The following CCDC13 variants were observed in gnomAD, a reference collection of about 807,000 sequenced individuals.
CCDC13 encodes coiled-coil domain containing 13.
CCDC13 carries 70 observed loss-of-function variants against 87.3 expected under a neutral mutation model. The ratio of observed to expected loss-of-function variants is 0.80; its 90% CI spans 0.66 to 0.98. The LOEUF (loss-of-function observed/expected upper bound fraction) is 0.98. Among genes scored for constraint, CCDC13 ranks in the 50% least tolerant of loss-of-function variants. The pLI, the probability that CCDC13 is intolerant of heterozygous loss-of-function variation, is 0.00. For missense variants in CCDC13, 842 were observed against 892.0 expected, an observed-to-expected ratio of 0.94 and a Z score of 0.71; for synonymous variants, 317 against 360.3, an observed-to-expected ratio of 0.88 and a Z score of 1.36.
At chr3:42,719,642 C>T (rs1235811707) in intron 13 of CCDC13, 1 of 152,122 alleles carries the variant, frequency 6.6e-6, no homozygotes, top group African/African-American at 2.4e-5. Context: ...TGGTCAGTTA[C>T]AAACTTTGCT....
intron 1 of CCDC13, among the ~76,000 whole-genome samples, chr3:42,772,301 A>AATAAT: frequency 1.1e-5 from 1 of 88,388 alleles, no homozygotes; most frequent in Admixed American, 1.2e-4. Context: ...GTAATAATAA[A>AATAAT]AAAAATAAAG....
intron 13 of CCDC13, among the ~76,000 whole-genome samples, chr3:42,716,861 T>C (rs1258997122): frequency 2.0e-5 from 3 of 152,204 alleles, no homozygotes; most frequent in African/African-American, 7.2e-5. Context: ...AAACAGGTAC[T>C]TGTACAGCAA....
In CCDC13 at chr3:42,708,794, C is replaced by T. The variant is rs567654483; in HGVS notation, c.*186G>A. ...GGTCTCCTGCAGTGTCCCACCAGGG[C>T]TTCTCTTCTGCCTTCCTGGCCTGAG... On this transcript the variant is annotated 3_prime_UTR_variant, in exon 16 of 16. Transcript: ENST00000310232. 3 of 579,772 alleles carry T rather than the reference C, an allele frequency of 5.2e-6. No homozygotes were observed. The highest frequency in any genetic ancestry group is 1.9e-5 in the African/African-American group (1 of 51,922). 35.9% of individuals were successfully genotyped at this position (579,772 alleles called of 1,614,324 possible).
chr3:42,735,186 G>A (rs745856363), intron 10 of CCDC13, among the ~76,000 whole-genome samples: 9 of 152,250 alleles, frequency 5.9e-5, no homozygotes, highest in East Asian at 1.9e-4. Context: ...GGCCGTGGGG[G>A]AGGAGGGGAG....
At chr3:42,710,716 A>C (rs1423963266) in intron 14 of CCDC13, among the ~76,000 whole-genome samples, 1 of 152,066 alleles carries the variant, frequency 6.6e-6, no homozygotes, top group Non-Finnish European at 1.5e-5. Flanking sequence ...GCACCTCAAG[A>C]CTAGTCTTGT....
At chr3:42,750,032 T>G (rs529769814) in intron 5 of CCDC13, 1 of 438,122 alleles carries the variant, frequency 2.3e-6, no homozygotes, top group East Asian at 7.1e-5. Context: ...TGCTGATGAA[T>G]TGAGACCTGC....
At position 42,758,138 on chromosome 3, in the gene CCDC13, T is replaced by C. The variant is rs750301372; in HGVS notation, c.208A>G (p.Ser70Gly). The change falls in exon 2 of 16, where the codon AGC becomes GGC. Residue 70 changes from serine to glycine, a missense_variant. Ser to Gly is a moderately conservative substitution (Grantham distance 56). Transcript: ENST00000310232. The part of the protein sequence containing the change: ...LHAGEPNSKN[S>G]FEKRVLEDEI... The stretch of plus-strand genomic sequence containing the variant: ...ACTTGCATTTACCTCTTCTCAAAGC[T>C]ATTTTTCGAGTTTGGCTCCCCTGCG... 6.2e-7 allele frequency: 1 copy of C among 1,613,864 alleles called. No individual in the cohort carries two copies. Among genetic ancestry groups the C allele is most frequent in the Non-Finnish European group, 8.5e-7 (1 of 1,179,962 alleles).
At chr3:42,751,219 C>A (rs1427362629) in intron 5 of CCDC13, among the ~76,000 whole-genome samples, 1 of 152,188 alleles carries the variant, frequency 6.6e-6, no homozygotes, top group Non-Finnish European at 1.5e-5. Flanking sequence ...CACCAACTGG[C>A]CTGGCTTCCC....
chr3:42,713,350 C>G, intron 13 of CCDC13, 34 bp from the exon 14 acceptor site: 1 of 1,609,496 alleles, frequency 6.2e-7, no homozygotes. Flanking sequence ...GCTACATGCC[C>G]TGGCAGGCAG....
At chr3:42,719,123 A>C (rs74835405) in intron 13 of CCDC13, 252 of 133,068 alleles carry the variant, frequency 1.9e-3, no homozygotes, top group African/African-American at 2.9e-3. Flanking sequence ...GTTAACTGCT[A>C]TTCTCTTTGG....
At chr3:42,757,007 GC>G in intron 3 of CCDC13, 58 bp downstream of exon 3, 1 of 1,530,066 alleles carries the variant, frequency 6.5e-7, no homozygotes. Flanking sequence ...CCTGCTGTCT[GC>G]CCTATCTGAA....
intron 14 of CCDC13, among the ~76,000 whole-genome samples, chr3:42,711,114 C>T (rs773019276): frequency 9.9e-5 from 15 of 151,884 alleles, no homozygotes; most frequent in Non-Finnish European, 1.9e-4. Flanking sequence ...GGTGTGGTGG[C>T]GAACCCCTGT....
intron 15 of CCDC13, among the ~76,000 whole-genome samples, 198 bp downstream of exon 15, chr3:42,709,486 T>A (rs1387785750): frequency 6.6e-6 from 1 of 152,098 alleles, no homozygotes; most frequent in African/African-American, 2.4e-5. Context: ...GGACTATGGG[T>A]CATTGGGGTT....
At chr3:42,772,444 G>A (rs1043543162) in intron 1 of CCDC13, among the ~76,000 whole-genome samples, 1 of 152,124 alleles carries the variant, frequency 6.6e-6, no homozygotes, top group African/African-American at 2.4e-5. Context: ...ATAGGTGACA[G>A]GGACCAGTGA....
chr3:42,724,393 C>G (rs59658902), intron 13 of CCDC13, among the ~76,000 whole-genome samples: 3,185 of 152,272 alleles, frequency 0.021, 129 homozygotes, highest in African/African-American at 0.072. Context: ...AAATATGCAC[C>G]AAAACCAGCT....
At chr3:42,742,856 G>A (rs775633546) in intron 8 of CCDC13, 40 bp downstream of exon 8, 29 of 1,609,644 alleles carry the variant, frequency 1.8e-5, no homozygotes, top group Admixed American at 6.7e-5. Flanking sequence ...ATGATCTCTC[G>A]TTCCCACATG....
At chr3:42,743,757 C>T (rs1699308980) in intron 7 of CCDC13, among the ~76,000 whole-genome samples, 1 of 151,672 alleles carries the variant, frequency 6.6e-6, no homozygotes, top group African/African-American at 2.4e-5. Context: ...CTGCCCACCT[C>T]AGCCTCCCAA....
intron 12 of CCDC13, among the ~76,000 whole-genome samples, chr3:42,732,103 G>T (rs576537043): frequency 2.8e-4 from 42 of 152,342 alleles, no homozygotes; most frequent in Non-Finnish European, 5.1e-4. Context: ...ACCCTAAGGA[G>T]CGTGGCACAT....
chr3:42,746,268 A>G, intron 6 of CCDC13: 1 of 481,486 alleles, frequency 2.1e-6, no homozygotes, highest in Non-Finnish European at 3.8e-6. Flanking sequence ...AGAAACTGCC[A>G]GCAATGCCCA....
Sources: allele counts gnomAD v4.1 joint callset (sites outside exome capture counted in the v4.1 genomes callset), GRCh38; gene constraint gnomAD v4.1.1; transcripts MANE v1.5; gene names NCBI Gene and HGNC (gene_info 2026-07-23, HGNC 2026-07-21).